Variants in THRB observed in about 807,000 individuals in gnomAD.
THRB encodes nuclear receptor subfamily 1 group A member 2.
In THRB, 12 loss-of-function variants were observed where a neutral mutation model predicts 47.8. That is an observed-to-expected ratio of 0.25 (90% confidence interval 0.16 to 0.41). THRB has a LOEUF of 0.41. Among genes scored for constraint, THRB ranks in the 10% least tolerant of loss-of-function variants. The pLI, the probability that THRB is intolerant of heterozygous loss-of-function variation, is 1.00. For missense variants in THRB, 348 were observed against 589.2 expected (o/e 0.59, Z 4.24); for synonymous variants, 218 against 212.2 (o/e 1.03, Z -0.24).
At chr3:24,160,882 C>T (rs951987722) in intron 5 of THRB, among the ~76,000 whole-genome samples, 1 of 152,224 alleles carries the variant, frequency 6.6e-6, no homozygotes, top group Non-Finnish European at 1.5e-5. Context: ...GTAAGCCTGC[C>T]AGGCGTCTGA....
chr3:24,128,852 G>A (rs1481572920), intron 9 of THRB, among the ~76,000 whole-genome samples: 1 of 112,224 alleles, frequency 8.9e-6, no homozygotes, highest in East Asian at 3.9e-4. Flanking sequence ...AGAGAAGAAG[G>A]AAACATAACT....
intron 2 of THRB, among the ~76,000 whole-genome samples, chr3:24,310,741 G>A (rs1420578525): frequency 6.6e-6 from 1 of 152,132 alleles, no homozygotes; most frequent in African/African-American, 2.4e-5. Context: ...TGGGTATGGG[G>A]TTTCTCTATT....
At position 24,205,635 on chromosome 3, in the gene THRB, A is replaced by C. The variant is rs62253682; in HGVS notation, c.23-15301T>G. On this transcript the variant is annotated intron_variant, in intron 4 of 10. Coordinates refer to ENST00000646209, the MANE Select transcript of THRB (RefSeq NM_001354712.2). ...AGCTAACATCATAATGACAGGATCAAATTCACACATAACAATATTAACCTT... is the reference window on the plus strand; with the variant it reads ...AGCTAACATCATAATGACAGGATCACATTCACACATAACAATATTAACCTT... Among the ~76,000 whole-genome samples, 885 of 152,324 alleles carry C rather than the reference A, an allele frequency of 5.8e-3. 8 individuals are homozygous for C. Among genetic ancestry groups the C allele is most frequent in the South Asian group, 0.042 (203 of 4,812 alleles).
intron 1 of THRB, among the ~76,000 whole-genome samples, chr3:24,422,345 T>C (rs909070313): frequency 4.6e-5 from 7 of 151,922 alleles, no homozygotes; most frequent in African/African-American, 1.7e-4. Flanking sequence ...GGACATGTAT[T>C]TCATTGGTGC....
chr3:24,488,345 A>T (rs955696394), intron 1 of THRB, among the ~76,000 whole-genome samples: 1 of 152,252 alleles, frequency 6.6e-6, no homozygotes, highest in African/African-American at 2.4e-5. Flanking sequence ...CCTCGTCTGC[A>T]GTCCACTCTT....
At chr3:24,304,681 A>C (rs891693195) in intron 2 of THRB, among the ~76,000 whole-genome samples, 14 of 152,254 alleles carry the variant, frequency 9.2e-5, no homozygotes, top group African/African-American at 3.1e-4. Context: ...ATAAAGATAG[A>C]TGCTGAAATA....
intron 4 of THRB, among the ~76,000 whole-genome samples, chr3:24,193,544 T>C (rs553205988): frequency 2.1e-4 from 32 of 152,338 alleles, no homozygotes; most frequent in African/African-American, 7.2e-4. Flanking sequence ...CAAAAAGTCA[T>C]CCATTGTTTT....
At chr3:24,149,441 C>T (rs75578306) in intron 6 of THRB, among the ~76,000 whole-genome samples, 201 of 152,262 alleles carry the variant, frequency 1.3e-3, no homozygotes, top group African/African-American at 4.5e-3. Flanking sequence ...AGTAAGACCA[C>T]GCTAAGCAGA....
At chr3:24,255,939 A>G (rs189185167) in intron 3 of THRB, among the ~76,000 whole-genome samples, 41 of 152,362 alleles carry the variant, frequency 2.7e-4, no homozygotes, top group Admixed American at 2.5e-3. Context: ...TGTCATATAG[A>G]TAAATGGTAA....
intron 3 of THRB, among the ~76,000 whole-genome samples, chr3:24,264,064 C>T (rs531894477): frequency 6.6e-6 from 1 of 152,230 alleles, no homozygotes; most frequent in South Asian, 2.1e-4. Flanking sequence ...CCCTGGGCAC[C>T]AAACCCTGCA....
intron 2 of THRB, among the ~76,000 whole-genome samples, chr3:24,321,184 G>C (rs1286374708): frequency 3.9e-5 from 6 of 152,122 alleles, no homozygotes; most frequent in Non-Finnish European, 7.3e-5. Flanking sequence ...ATCTCAATGT[G>C]TAGGCTTAAA....
At chr3:24,255,793 C>A (rs2051207461) in intron 3 of THRB, among the ~76,000 whole-genome samples, 1 of 152,010 alleles carries the variant, frequency 6.6e-6, no homozygotes, top group Admixed American at 6.6e-5. Context: ...GCCTTTTAGG[C>A]CATAGACAAG....
chr3:24,205,252 A>T (rs2045175010), intron 4 of THRB, among the ~76,000 whole-genome samples: 2 of 152,228 alleles, frequency 1.3e-5, no homozygotes, highest in African/African-American at 4.8e-5. Flanking sequence ...GCAGCCAGAG[A>T]GAAAGGTCAG....
chr3:24,226,576 G>A lies in THRB; in HGVS notation c.22+2362C>T, dbSNP rs370922223. On this transcript the variant is annotated intron_variant, in intron 4 of 10. Transcript: ENST00000646209. ...CAGCTGGGGTTCTGGCTCAGTCTGC[G>A]AGGAAAGCATCCCAGCTTCCACAAG... is the stretch of plus-strand genomic sequence containing the variant. Among the ~76,000 whole-genome samples the A allele has an allele frequency of 1.1e-4, 16 of 152,278 alleles. No homozygotes were observed. The South Asian group carries it at 2.1e-3, about 20-fold the overall frequency.
chr3:24,287,517 G>T (rs529916205), intron 3 of THRB, among the ~76,000 whole-genome samples: 2 of 152,292 alleles, frequency 1.3e-5, no homozygotes, highest in African/African-American at 4.8e-5. Context: ...CCTTTAGTTT[G>T]TAAGTGAGAT....
At chr3:24,183,507 ACAG>A (rs919754934) in intron 5 of THRB, among the ~76,000 whole-genome samples, 45 of 150,776 alleles carry the variant, frequency 3.0e-4, no homozygotes, top group African/African-American at 9.2e-4. Flanking sequence ...AGCTGGGATT[ACAG>A]GCACACGCCA....
intron 1 of THRB, among the ~76,000 whole-genome samples, chr3:24,456,011 T>A (rs2073137776): frequency 6.6e-6 from 1 of 152,182 alleles, no homozygotes; most frequent in Non-Finnish European, 1.5e-5. Context: ...AAGCACATAG[T>A]CCTTTTAGAT....
intron 2 of THRB, among the ~76,000 whole-genome samples, chr3:24,331,103 T>A (rs1004135127): frequency 6.6e-6 from 1 of 151,964 alleles, no homozygotes; most frequent in Non-Finnish European, 1.5e-5. Context: ...CATAGATGAG[T>A]CTTGATTTTG....
intron 3 of THRB, among the ~76,000 whole-genome samples, chr3:24,284,279 T>C (rs1452120854): frequency 6.6e-6 from 1 of 151,678 alleles, no homozygotes; most frequent in Non-Finnish European, 1.5e-5. Flanking sequence ...TAACGCCACA[T>C]ATCTACAACT....
Sources: allele counts gnomAD v4.1 joint callset (sites outside exome capture counted in the v4.1 genomes callset), GRCh38; gene constraint gnomAD v4.1.1; transcripts MANE v1.5; gene names NCBI Gene and HGNC (gene_info 2026-07-23, HGNC 2026-07-21).